Variants in ATG5 observed in about 807,000 individuals in gnomAD.
The protein encoded by ATG5 is autophagy protein 5.
In ATG5, 14 loss-of-function variants were observed where a neutral mutation model predicts 36.5. That is an observed-to-expected ratio of 0.38 (90% CI 0.25 to 0.60). The LOEUF (loss-of-function observed/expected upper bound fraction) is 0.60. ATG5 is among the 20% of genes least tolerant of loss of function. The pLI is 0.60. For missense variants in ATG5, 195 were observed against 326.7 expected (o/e 0.60, Z 3.11); for synonymous variants, 95 against 101.5 (o/e 0.94, Z 0.38).
At chr6:106,199,263 T>C (rs1381763182) in intron 7 of ATG5, among the ~76,000 whole-genome samples, 1 of 152,194 alleles carries the variant, frequency 6.6e-6, no homozygotes, top group Non-Finnish European at 1.5e-5. Context: ...GAAAGACCCA[T>C]ATTTGAATGT....
intron 4 of ATG5, among the ~76,000 whole-genome samples, chr6:106,284,448 C>T (rs1161040643): frequency 6.6e-6 from 1 of 152,150 alleles, no homozygotes; most frequent in African/African-American, 2.4e-5. Context: ...CTCCCAGGCT[C>T]AAGAGATCCT....
intron 6 of ATG5, among the ~76,000 whole-genome samples, chr6:106,228,334 G>A (rs764732487): frequency 3.3e-5 from 5 of 152,126 alleles, no homozygotes; most frequent in Admixed American, 6.5e-5. Context: ...TGTCCGTTGT[G>A]CTCCTGATCC....
chr6:106,299,379 C>T (rs1265755242), intron 3 of ATG5, among the ~76,000 whole-genome samples: 3 of 151,926 alleles, frequency 2.0e-5, no homozygotes, highest in African/African-American at 7.3e-5. Flanking sequence ...CTTTTTTCCC[C>T]CAAATATTTT....
chr6:106,222,742 A>T (rs548037868), intron 6 of ATG5, among the ~76,000 whole-genome samples: 2 of 152,328 alleles, frequency 1.3e-5, no homozygotes, highest in African/African-American at 4.8e-5. Context: ...GGCTCTTCTA[A>T]TTACTAGGTA....
chr6:106,240,901 C>T (rs1441145799), intron 6 of ATG5, among the ~76,000 whole-genome samples: 2 of 152,096 alleles, frequency 1.3e-5, no homozygotes, highest in Non-Finnish European at 2.9e-5. Flanking sequence ...GCCCGTAATC[C>T]CAGCACTTTG....
At chr6:106,231,404 G>C (rs1448715121) in intron 6 of ATG5, among the ~76,000 whole-genome samples, 2 of 152,178 alleles carry the variant, frequency 1.3e-5, no homozygotes, top group Non-Finnish European at 2.9e-5. Flanking sequence ...ACAGAGGAAA[G>C]AGAACGATTC....
intron 6 of ATG5, among the ~76,000 whole-genome samples, chr6:106,243,860 T>C (rs1275598144): frequency 1.4e-5 from 2 of 143,146 alleles, no homozygotes. Flanking sequence ...GTAAATAAAA[T>C]TAAAAAATAT....
rs1008800187 is a variant in ATG5, at chr6:106,184,882, G to A, written c.*1658C>T. On this transcript the variant is annotated 3_prime_UTR_variant, in exon 8 of 8. Transcript: ENST00000369076. ...AGGGGGAAAATCCCCAAAATGAACC[G>A]ACGAATAAACACTCTTAATGTGAAC... is the stretch of plus-strand genomic sequence containing the variant. 3.3e-5 allele frequency: 5 copies of A among 152,278 alleles called. No homozygotes were observed. The highest frequency in any genetic ancestry group is 7.4e-5 in the Non-Finnish European group (5 of 68,004). The allele number at this position is 152,278 out of a possible 1,614,324, so 9.4% of individuals were successfully genotyped here. A position where few individuals can be genotyped will look rare whatever the true frequency, so the allele number is the denominator to read the frequency against.
chr6:106,264,921 A>G (rs1358750199), intron 5 of ATG5, among the ~76,000 whole-genome samples: 1 of 152,154 alleles, frequency 6.6e-6, no homozygotes, highest in East Asian at 1.9e-4. Context: ...CACTATGAAA[A>G]AACTGCATCA....
intron 6 of ATG5, among the ~76,000 whole-genome samples, chr6:106,219,960 C>A (rs779836336): frequency 1.4e-4 from 22 of 152,132 alleles, no homozygotes; most frequent in Non-Finnish European, 2.5e-4. Context: ...ACCTGCTTAT[C>A]CCCTCCAAGC....
chr6:106,256,672 A>G (rs1270445184), intron 5 of ATG5, among the ~76,000 whole-genome samples: 1 of 152,210 alleles, frequency 6.6e-6, no homozygotes, highest in Non-Finnish European at 1.5e-5. Context: ...CCTATATGGT[A>G]TGTGCAAACC....
At chr6:106,207,046 A>C (rs1474882134) in intron 6 of ATG5, among the ~76,000 whole-genome samples, 1 of 152,212 alleles carries the variant, frequency 6.6e-6, no homozygotes, top group Non-Finnish European at 1.5e-5. Flanking sequence ...CATATTTGTA[A>C]ATATGCAAAG....
chr6:106,310,000 C>T (rs1168958924), intron 2 of ATG5, among the ~76,000 whole-genome samples: 1 of 151,978 alleles, frequency 6.6e-6, no homozygotes, highest in Non-Finnish European at 1.5e-5. Flanking sequence ...GTATTACATG[C>T]CTTGGCTTCA....
intron 6 of ATG5, among the ~76,000 whole-genome samples, chr6:106,216,676 G>T (rs1777051392): frequency 6.6e-6 from 1 of 152,162 alleles, no homozygotes. Context: ...GCACAACTCT[G>T]TGTAACTTAG....
At chr6:106,269,718 C>G (rs1171762797) in intron 5 of ATG5, among the ~76,000 whole-genome samples, 2 of 152,226 alleles carry the variant, frequency 1.3e-5, no homozygotes, top group South Asian at 2.1e-4. Context: ...CCGCCAAGCC[C>G]ACACCCACCC....
intron 5 of ATG5, among the ~76,000 whole-genome samples, chr6:106,256,140 T>A (rs1462531509): frequency 2.0e-5 from 3 of 152,228 alleles, no homozygotes; most frequent in African/African-American, 7.2e-5. Context: ...ATGTTCACTG[T>A]AATCTTTCCA....
intron 5 of ATG5, among the ~76,000 whole-genome samples, chr6:106,269,470 G>A (rs1199644405): frequency 6.6e-6 from 1 of 152,258 alleles, no homozygotes; most frequent in Non-Finnish European, 1.5e-5. Context: ...GCACTCGTCA[G>A]GGAGGCTTGG....
At chr6:106,261,406 T>C (rs1195470845) in intron 5 of ATG5, among the ~76,000 whole-genome samples, 2 of 152,232 alleles carry the variant, frequency 1.3e-5, no homozygotes, top group Non-Finnish European at 2.9e-5. Flanking sequence ...AGAATATAGT[T>C]ACACATGCAG....
At chr6:106,231,355 G>A (rs1296667325) in intron 6 of ATG5, among the ~76,000 whole-genome samples, 2 of 152,152 alleles carry the variant, frequency 1.3e-5, no homozygotes, top group South Asian at 2.1e-4. Flanking sequence ...AGAGTTTGGC[G>A]ATCTCTGGTA....
Sources: allele counts gnomAD v4.1 joint callset (sites outside exome capture counted in the v4.1 genomes callset), GRCh38; gene constraint gnomAD v4.1.1; transcripts MANE v1.5; gene names NCBI Gene and HGNC (gene_info 2026-07-23, HGNC 2026-07-21).